Variants in KCTD16 observed in about 807,000 individuals in gnomAD.
The protein encoded by KCTD16 is potassium channel tetramerization domain containing 16.
In KCTD16, 13 loss-of-function variants were observed where a neutral mutation model predicts 33.2. That is an observed-to-expected ratio of 0.39 (90% CI 0.25 to 0.62). The LOEUF is 0.62. KCTD16 is among the 20% of genes least tolerant of loss of function. KCTD16 has a pLI of 0.50. For missense variants in KCTD16, 441 were observed against 525.1 expected, an observed-to-expected ratio of 0.84 and a Z score of 1.57; for synonymous variants, 197 against 195.3, an observed-to-expected ratio of 1.01 and a Z score of -0.07.
chr5:144,299,309 A>G (rs1368785780), intron 3 of KCTD16, among the ~76,000 whole-genome samples: 1 of 151,316 alleles, frequency 6.6e-6, no homozygotes, highest in African/African-American at 2.4e-5. Flanking sequence ...TTGGCTGTAC[A>G]TAATAATGAT....
chr5:144,294,318 T>C (rs1306139850), intron 3 of KCTD16, among the ~76,000 whole-genome samples: 2 of 152,198 alleles, frequency 1.3e-5, no homozygotes, highest in Non-Finnish European at 2.9e-5. Flanking sequence ...AGCTATTGAC[T>C]TACTTTCAGT....
chr5:144,409,575 C>A (rs989513549), intron 3 of KCTD16, among the ~76,000 whole-genome samples: 1 of 151,692 alleles, frequency 6.6e-6, no homozygotes, highest in Non-Finnish European at 1.5e-5. Flanking sequence ...CAGGCAATTG[C>A]GGGCCAGACG....
intron 3 of KCTD16, among the ~76,000 whole-genome samples, chr5:144,292,935 G>A (rs1258118363): frequency 6.6e-6 from 1 of 152,184 alleles, no homozygotes; most frequent in Admixed American, 6.5e-5. Context: ...AGTGACCAAG[G>A]ACGCATGTTG....
chr5:144,373,192 A>G (rs1392935783), intron 3 of KCTD16, among the ~76,000 whole-genome samples: 1 of 152,050 alleles, frequency 6.6e-6, no homozygotes, highest in Non-Finnish European at 1.5e-5. Context: ...TAAAGAGAGG[A>G]TGGAGGCTCA....
chr5:144,204,296 T>G (rs1753110728), intron 2 of KCTD16, among the ~76,000 whole-genome samples: 1 of 152,224 alleles, frequency 6.6e-6, no homozygotes, highest in African/African-American at 2.4e-5. Context: ...CTCACATATA[T>G]TATTCATTGA....
chr5:144,207,546 CGTAA>C lies in KCTD16; in HGVS notation c.832+4_832+7del. 1 of 1,604,040 alleles carries C rather than the reference CGTAA, an allele frequency of 6.2e-7. No homozygotes were observed. The highest frequency in any genetic ancestry group is 8.5e-7 in the Non-Finnish European group (1 of 1,172,888). ...AAGCTACACTGAATATGTCTTCTAC[CGTAA>C]GTACAAAGGGTTGTTTTAATTTTTT... On this transcript the variant is annotated splice_donor_variant and splice_donor_region_variant and intron_variant, in intron 3 of 3. Transcript: ENST00000512467. LOFTEE classifies it high-confidence loss of function.
intron 3 of KCTD16, among the ~76,000 whole-genome samples, chr5:144,406,862 A>C (rs1341385466): frequency 1.3e-5 from 2 of 152,144 alleles, no homozygotes; most frequent in African/African-American, 4.8e-5. Context: ...CCTCTGTATG[A>C]AACTGTAAGG....
At chr5:144,454,038 T>A (rs1389394811) in intron 3 of KCTD16, among the ~76,000 whole-genome samples, 2 of 152,198 alleles carry the variant, frequency 1.3e-5, no homozygotes, top group African/African-American at 4.8e-5. Context: ...CTCAGATTTC[T>A]TTTGATGAGA....
At chr5:144,361,445 C>G (rs577162557) in intron 3 of KCTD16, among the ~76,000 whole-genome samples, 1 of 152,254 alleles carries the variant, frequency 6.6e-6, no homozygotes, top group African/African-American at 2.4e-5. Context: ...TGTCCTGGTC[C>G]TGGTTTGAAT....
chr5:144,290,703 C>T (rs914609660), intron 3 of KCTD16, among the ~76,000 whole-genome samples: 1 of 152,144 alleles, frequency 6.6e-6, no homozygotes, highest in African/African-American at 2.4e-5. Context: ...ACATTTGCTT[C>T]CCCAAAGGTC....
chr5:144,269,783 A>G (rs968197081), intron 3 of KCTD16, among the ~76,000 whole-genome samples: 17 of 152,092 alleles, frequency 1.1e-4, no homozygotes, highest in Non-Finnish European at 2.1e-4. Context: ...AATAATTATT[A>G]GTTTATGTTT....
chr5:144,177,618 C>G (rs772311623), intron 2 of KCTD16, among the ~76,000 whole-genome samples: 2 of 152,168 alleles, frequency 1.3e-5, no homozygotes, highest in African/African-American at 4.8e-5. Flanking sequence ...ACATGGTCTT[C>G]GCATAGTCTT....
At chr5:144,270,992 T>C (rs1481050960) in intron 3 of KCTD16, among the ~76,000 whole-genome samples, 1 of 151,928 alleles carries the variant, frequency 6.6e-6, no homozygotes, top group African/African-American at 2.4e-5. Context: ...AATTTGATTA[T>C]ACATATAACT....
At chr5:144,376,632 C>T (rs75531284) in intron 3 of KCTD16, among the ~76,000 whole-genome samples, 3,882 of 152,084 alleles carry the variant, frequency 0.026, 73 homozygotes, top group African/African-American at 0.041. Context: ...TTGAGAGAAG[C>T]GTCATATGTC....
chr5:144,303,160 G>T (rs1038594850), intron 3 of KCTD16, among the ~76,000 whole-genome samples: 1 of 152,184 alleles, frequency 6.6e-6, no homozygotes, highest in African/African-American at 2.4e-5. Flanking sequence ...AAGGACAGAA[G>T]ACCTCCAAAT....
intron 2 of KCTD16, among the ~76,000 whole-genome samples, chr5:144,180,571 G>T (rs551613540): frequency 6.6e-6 from 1 of 152,300 alleles, no homozygotes; most frequent in South Asian, 2.1e-4. Context: ...CAGGCTTGTT[G>T]GGGGTAGCTC....
At chr5:144,217,861 G>C (rs1419883706) in intron 3 of KCTD16, among the ~76,000 whole-genome samples, 2 of 150,876 alleles carry the variant, frequency 1.3e-5, no homozygotes, top group East Asian at 3.9e-4. Context: ...AAAAAAAAAA[G>C]TAATGAAGTG....
intron 3 of KCTD16, among the ~76,000 whole-genome samples, chr5:144,274,461 A>C (rs1273147351): frequency 6.6e-6 from 1 of 152,220 alleles, no homozygotes; most frequent in Non-Finnish European, 1.5e-5. Flanking sequence ...CAGAAGAAAT[A>C]AGATATATAA....
intron 3 of KCTD16, among the ~76,000 whole-genome samples, chr5:144,268,040 T>C (rs144553542): frequency 6.6e-6 from 1 of 152,288 alleles, no homozygotes; most frequent in African/African-American, 2.4e-5. Flanking sequence ...CTGGAGTGTA[T>C]TGCACGCTTC....
Sources: allele counts gnomAD v4.1 joint callset (sites outside exome capture counted in the v4.1 genomes callset), GRCh38; gene constraint gnomAD v4.1.1; transcripts MANE v1.5; gene names NCBI Gene and HGNC (gene_info 2026-07-23, HGNC 2026-07-21).